Variants in BCL11B observed in about 807,000 individuals in gnomAD.
BCL11B encodes the protein B-cell lymphoma/leukemia 11B.
BCL11B carries 8 observed loss-of-function variants against 49.9 expected under a neutral mutation model. That is an observed-to-expected ratio of 0.16 (90% confidence interval 0.09 to 0.29). The LOEUF is 0.29. Among genes scored for constraint, BCL11B ranks in the 10% least tolerant of loss-of-function variants. BCL11B has a pLI of 1.00. For missense variants in BCL11B, 1,006 were observed against 1,351.0 expected (o/e 0.74, Z 4.00); for synonymous variants, 739 against 637.4 (o/e 1.16, Z -2.40).
intron 3 of BCL11B, among the ~76,000 whole-genome samples, chr14:99,199,537 C>CA (rs1448758296): frequency 1.3e-5 from 2 of 151,866 alleles, no homozygotes; most frequent in Admixed American, 1.3e-4. Flanking sequence ...TCGACTGAAA[C>CA]AAAATCACAC....
intron 3 of BCL11B, among the ~76,000 whole-genome samples, chr14:99,177,423 TC>T (rs1886569020): frequency 6.6e-6 from 1 of 151,374 alleles, no homozygotes; most frequent in South Asian, 2.1e-4. Context: ...CCGGAACCCA[TC>T]CTGCAAGTGC....
intron 2 of BCL11B, among the ~76,000 whole-genome samples, chr14:99,243,882 C>T (rs1438319643): frequency 6.8e-6 from 1 of 147,328 alleles, no homozygotes; most frequent in African/African-American, 2.5e-5. Context: ...CTGACAGAAC[C>T]CCCCATTTCC....
intron 1 of BCL11B, among the ~76,000 whole-genome samples, chr14:99,266,137 G>A (rs186488006): frequency 1.3e-5 from 2 of 152,244 alleles, no homozygotes; most frequent in African/African-American, 2.4e-5. Flanking sequence ...TATTTGAGTC[G>A]GCATTTTAAA....
At position 99,174,121 on chromosome 14, in the gene BCL11B, T is replaced by C. The variant is rs778094807; in HGVS notation, c.*30A>G. On this transcript the variant is annotated 3_prime_UTR_variant, in exon 4 of 4. Coordinates refer to ENST00000357195, the MANE Select transcript of BCL11B (RefSeq NM_138576.4). ...CTCTCGGTTGGCAACGGTTCCACTG[T>C]ACAGGTGCGGGGCGCCGGGGCCCGC... 1 of 1,599,594 alleles carries C rather than the reference T, an allele frequency of 6.3e-7. No individual in the cohort carries two copies. The highest frequency in any genetic ancestry group is 8.5e-7 in the Non-Finnish European group (1 of 1,174,906).
chr14:99,201,537 G>T (rs1454813547), intron 3 of BCL11B, among the ~76,000 whole-genome samples: 2 of 152,278 alleles, frequency 1.3e-5, no homozygotes, highest in Middle Eastern at 3.4e-3. Flanking sequence ...TGACAAGGCT[G>T]CTCCCTAGGG....
intron 3 of BCL11B, among the ~76,000 whole-genome samples, chr14:99,179,632 G>A (rs955022184): frequency 2.0e-5 from 3 of 152,094 alleles, no homozygotes; most frequent in Admixed American, 6.5e-5. Context: ...AGCTCTTACT[G>A]GACCCGTGTC....
intron 2 of BCL11B, among the ~76,000 whole-genome samples, chr14:99,256,936 T>C (rs1889180703): frequency 6.6e-6 from 1 of 151,744 alleles, no homozygotes; most frequent in South Asian, 2.1e-4. Context: ...GGAAACTGAG[T>C]CCAGAGAGAA....
At position 99,174,462 on chromosome 14, in the gene BCL11B, C is replaced by G; in HGVS notation, c.2374G>C (p.Gly792Arg). Residue 792 changes from glycine (G) to arginine (R), a missense_variant, in exon 4 of 4, where the codon GGC (glycine) becomes CGC (arginine). Transcript: ENST00000357195. Reference protein sequence around the residue: ...PGPGRPSSKEGRRSDTCEYCG... With the variant: ...PGPGRPSSKERRRSDTCEYCG... The stretch of plus-strand genomic sequence containing the variant: ...TACTCGCACGTGTCGCTGCGGCGGC[C>G]CTCCTTGGAGCTGGGCCGCCCGGGG... 6.2e-7 allele frequency: 1 copy of G among 1,605,280 alleles called. No individual in the cohort carries two copies. The highest frequency in any genetic ancestry group is 8.5e-7 in the Non-Finnish European group (1 of 1,177,042).
rs1886431547 is a variant in BCL11B, at chr14:99,174,909, C to T, written c.1927G>A (p.Gly643Arg). The part of the protein sequence containing the change: ...AGDDDDAGGC[G>R]DAGAGGAVNG... ...ACCGCGCCGCCCGCGCCCGCGTCCCCGCAGCCGCCCGCGTCGTCGTCGTCG... is the reference window on the plus strand; with the variant it reads ...ACCGCGCCGCCCGCGCCCGCGTCCCTGCAGCCGCCCGCGTCGTCGTCGTCG... The change falls in exon 4 of 4, where the codon GGG (glycine) becomes AGG (arginine). Residue 643 changes from glycine (G) to arginine (R), a missense_variant. Transcript: ENST00000357195. 8.9e-7 allele frequency: 1 copy of T among 1,126,274 alleles called. No individual in the cohort carries two copies. Among genetic ancestry groups the T allele is most frequent in the Non-Finnish European group, 1.1e-6 (1 of 917,046 alleles). 69.8% of individuals were successfully genotyped at this position (1,126,274 alleles called of 1,614,324 possible).
chr14:99,190,386 G>A (rs912822287), intron 3 of BCL11B, among the ~76,000 whole-genome samples: 2 of 152,252 alleles, frequency 1.3e-5, no homozygotes, highest in Non-Finnish European at 2.9e-5. Flanking sequence ...CTACCTGGGG[G>A]TTGAGGCAGG....
At position 99,233,437 on chromosome 14, in the gene BCL11B, G is replaced by A. The variant is rs762507762; in HGVS notation, c.428-1880C>T. ...GGGGTCCTGGGATCTCTAGAGCAAC[G>A]GCCACATAGTGGGCGGAAGTCTGAG... On this transcript the variant is annotated intron_variant, in intron 2 of 3. Transcript: ENST00000357195. 2.0e-5 allele frequency among the ~76,000 whole-genome samples: 3 copies of A among 152,190 alleles called. No individual in the cohort carries two copies. The East Asian group carries it at 5.8e-4, about 29-fold the overall frequency.
chr14:99,253,734 G>A (rs939664746), intron 2 of BCL11B, among the ~76,000 whole-genome samples: 7 of 152,036 alleles, frequency 4.6e-5, no homozygotes, highest in African/African-American at 1.7e-4. Flanking sequence ...GCAGCGCCAC[G>A]TGCTCTTTGC....
intron 1 of BCL11B, among the ~76,000 whole-genome samples, chr14:99,266,066 A>C (rs1443671749): frequency 2.0e-5 from 3 of 152,210 alleles, no homozygotes; most frequent in Non-Finnish European, 4.4e-5. Context: ...TTTGGGGTGA[A>C]AGATGTGATC....
Position 99,175,042 on chromosome 14 carries a change from G to C in BCL11B, c.1794C>G (p.Val598=). 1 of 1,598,120 alleles carries C rather than the reference G, an allele frequency of 6.3e-7. No individual in the cohort carries two copies. Among genetic ancestry groups the C allele is most frequent in the Non-Finnish European group, 8.5e-7 (1 of 1,177,108 alleles). ...ADEKALVLGK[V]MENVGLGALP... ...GTGCGCCTAGGCCCACGTTCTCCATGACCTTGCCCAGCACCAGCGCCTTCT... is the reference window on the plus strand; with the variant it reads ...GTGCGCCTAGGCCCACGTTCTCCATCACCTTGCCCAGCACCAGCGCCTTCT... Residue 598 remains valine, a synonymous_variant, in exon 4 of 4, where the codon GTC becomes GTG. Transcript: ENST00000357195.
intron 3 of BCL11B, among the ~76,000 whole-genome samples, chr14:99,190,289 C>T (rs1441959202): frequency 6.6e-6 from 1 of 152,186 alleles, no homozygotes; most frequent in Non-Finnish European, 1.5e-5. Context: ...GAGATCAAGA[C>T]CATCTTGGCT....
At chr14:99,199,004 G>A (rs774995988) in intron 3 of BCL11B, among the ~76,000 whole-genome samples, 46 of 152,200 alleles carry the variant, frequency 3.0e-4, no homozygotes, top group South Asian at 2.7e-3. Context: ...GCTTTGCGCG[G>A]GGCCGTTGTC....
At position 99,174,519 on chromosome 14, in the gene BCL11B, C is replaced by G; in HGVS notation, c.2317G>C (p.Gly773Arg). ...CCGCCCAGGTGCGGGGTGCTGCCTCCGCTGGCCGTGCCGCTGCGGCCCGAG... is the reference window on the plus strand; with the variant it reads ...CCGCCCAGGTGCGGGGTGCTGCCTCGGCTGGCCGTGCCGCTGCGGCCCGAG... ...GLSGRSGTASGGSTPHLGGPG... is the reference protein window; with the variant it reads ...GLSGRSGTASRGSTPHLGGPG... The change falls in exon 4 of 4, where the codon GGA (glycine) becomes CGA (arginine). Residue 773 changes from glycine to arginine, a missense_variant. By Grantham distance (125) the Gly-to-Arg change is moderately radical (BLOSUM62 -2). Coordinates refer to ENST00000357195, the MANE Select transcript of BCL11B (RefSeq NM_138576.4). 1 of 1,529,094 alleles carries G rather than the reference C, an allele frequency of 6.5e-7. No individual in the cohort carries two copies. Among genetic ancestry groups the G allele is most frequent in the Non-Finnish European group, 8.8e-7 (1 of 1,139,810 alleles). The allele number at this position is 1,529,094 out of a possible 1,614,324, so 94.7% of individuals were successfully genotyped here. A position where few individuals can be genotyped will look rare whatever the true frequency, so the allele number is the denominator to read the frequency against.
intron 3 of BCL11B, among the ~76,000 whole-genome samples, chr14:99,193,853 A>G (rs750097079): frequency 1.5e-4 from 23 of 152,160 alleles, no homozygotes; most frequent in Non-Finnish European, 2.6e-4. Flanking sequence ...TTAAAACCCC[A>G]AATCTAAAAT....
At chr14:99,199,696 G>GCA (rs750901511) in intron 3 of BCL11B, among the ~76,000 whole-genome samples, 4,984 of 77,708 alleles carry the variant, frequency 0.064, 151 homozygotes, top group Non-Finnish European at 0.098. Context: ...GCGCGCGCGC[G>GCA]CACGTGCACG....
Sources: allele counts gnomAD v4.1 joint callset (sites outside exome capture counted in the v4.1 genomes callset), GRCh38; gene constraint gnomAD v4.1.1; transcripts MANE v1.5; gene names NCBI Gene and HGNC (gene_info 2026-07-23, HGNC 2026-07-21).